The following CNTN5 variants were observed in gnomAD, a reference collection of about 807,000 sequenced individuals.
CNTN5 encodes contactin 5.
CNTN5 carries 77 observed loss-of-function variants against 129.1 expected under a neutral mutation model. The ratio of observed to expected loss-of-function variants is 0.60; its 90% CI spans 0.50 to 0.72. The LOEUF (loss-of-function observed/expected upper bound fraction) is 0.72. CNTN5 is among the 30% of genes least tolerant of loss of function. CNTN5 has a pLI of 0.00. For missense variants in CNTN5, 1,478 were observed against 1,328.8 expected, an observed-to-expected ratio of 1.11 and a Z score of -1.75; for synonymous variants, 509 against 465.6, an observed-to-expected ratio of 1.09 and a Z score of -1.20.
intron 21 of CNTN5, chr11:100,309,764 C>CCAGT (rs1808734104): frequency 2.1e-6 from 2 of 944,356 alleles, no homozygotes; most frequent in Non-Finnish European, 2.5e-6. Context: ...GGTGGTTTGT[C>CCAGT]CAGTTTCCCT....
chr11:99,024,764 A>G (rs1376547401), intron 1 of CNTN5, among the ~76,000 whole-genome samples: 1 of 151,538 alleles, frequency 6.6e-6, no homozygotes, highest in African/African-American at 2.4e-5. Context: ...GTAATTGTGA[A>G]AAATAAATCA....
At chr11:99,487,872 G>A (rs1168997920) in intron 2 of CNTN5, among the ~76,000 whole-genome samples, 2 of 152,098 alleles carry the variant, frequency 1.3e-5, no homozygotes, top group East Asian at 1.9e-4. Flanking sequence ...GAGTTTGTAC[G>A]TGCCACATAC....
At chr11:100,031,208 G>A (rs745531794) in intron 9 of CNTN5, among the ~76,000 whole-genome samples, 21 of 152,262 alleles carry the variant, frequency 1.4e-4, no homozygotes, top group South Asian at 2.1e-4. Flanking sequence ...TATATCACAC[G>A]AAACTATTGC....
At chr11:99,649,744 G>A (rs925913336) in intron 3 of CNTN5, among the ~76,000 whole-genome samples, 13 of 151,484 alleles carry the variant, frequency 8.6e-5, no homozygotes, top group South Asian at 6.2e-4. Flanking sequence ...GAAACATTAA[G>A]TTTTTTTCCT....
chr11:99,427,168 C>G (rs1211554507), intron 2 of CNTN5, among the ~76,000 whole-genome samples: 1 of 152,108 alleles, frequency 6.6e-6, no homozygotes, highest in African/African-American at 2.4e-5. Flanking sequence ...ATTATTTAAT[C>G]AGACATAGGA....
chr11:100,295,476 T>G (rs1445726160), intron 18 of CNTN5, among the ~76,000 whole-genome samples: 1 of 151,496 alleles, frequency 6.6e-6, no homozygotes, highest in Non-Finnish European at 1.5e-5. Context: ...AGTTAAAACT[T>G]TTAAAAATCT....
chr11:99,570,757 G>T (rs1949150613), intron 3 of CNTN5, among the ~76,000 whole-genome samples: 1 of 152,196 alleles, frequency 6.6e-6, no homozygotes, highest in Non-Finnish European at 1.5e-5. Context: ...TTCCCATAAA[G>T]AAATTAAATG....
At chr11:99,860,445 C>A (rs1234364135) in intron 6 of CNTN5, among the ~76,000 whole-genome samples, 1 of 152,106 alleles carries the variant, frequency 6.6e-6, no homozygotes, top group African/African-American at 2.4e-5. Context: ...ATAGGTCTTA[C>A]ATTTAAGTCT....
chr11:99,828,912 A>G (rs769245400), intron 4 of CNTN5, among the ~76,000 whole-genome samples: 2 of 152,174 alleles, frequency 1.3e-5, no homozygotes, highest in African/African-American at 4.8e-5. Flanking sequence ...CATGGAATGT[A>G]TCTGTACTTG....
At chr11:99,786,009 A>G (rs185184776) in intron 3 of CNTN5, among the ~76,000 whole-genome samples, 39 of 152,028 alleles carry the variant, frequency 2.6e-4, no homozygotes, top group Admixed American at 1.2e-3. Flanking sequence ...GGCAAGGGCA[A>G]TCAGGCAAGA....
At chr11:99,405,026 C>T (rs1383245851) in intron 2 of CNTN5, among the ~76,000 whole-genome samples, 1 of 151,962 alleles carries the variant, frequency 6.6e-6, no homozygotes, top group East Asian at 1.9e-4. Context: ...TCCTTTAGAA[C>T]TTTAAATATG....
At chr11:99,853,039 A>G (rs980208717) in intron 6 of CNTN5, among the ~76,000 whole-genome samples, 4 of 152,184 alleles carry the variant, frequency 2.6e-5, no homozygotes, top group Non-Finnish European at 4.4e-5. Context: ...AAAGACACCA[A>G]TATAGTACAA....
intron 1 of CNTN5, among the ~76,000 whole-genome samples, chr11:99,222,235 C>T (rs1377734251): frequency 6.6e-6 from 1 of 151,050 alleles, no homozygotes; most frequent in African/African-American, 2.4e-5. Context: ...AGATTATATC[C>T]ATCGATACAA....
chr11:99,730,939 C>A (rs535451098), intron 3 of CNTN5, among the ~76,000 whole-genome samples: 1 of 152,156 alleles, frequency 6.6e-6, no homozygotes, highest in East Asian at 1.9e-4. Context: ...CACACTTCAT[C>A]CTCCTTTTCC....
At chr11:99,896,698 A>G (rs2135933101) in intron 6 of CNTN5, among the ~76,000 whole-genome samples, 1 of 152,304 alleles carries the variant, frequency 6.6e-6, no homozygotes, top group Admixed American at 6.5e-5. Flanking sequence ...GTTCAGGAGC[A>G]AGAAGGCTTC....
chr11:100,297,796 G>A, intron 19 of CNTN5, 101 bp downstream of exon 19: 1 of 894,260 alleles, frequency 1.1e-6, no homozygotes, highest in Non-Finnish European at 1.8e-6. Flanking sequence ...GATTCATTTA[G>A]AGGCTAAAAA....
chr11:99,669,933 A>G (rs1362857952), intron 3 of CNTN5, among the ~76,000 whole-genome samples: 1 of 152,208 alleles, frequency 6.6e-6, no homozygotes, highest in Non-Finnish European at 1.5e-5. Flanking sequence ...TGGGAGTTTG[A>G]CAACTAAAGT....
chr11:100,195,443 G>T (rs1948613609), intron 15 of CNTN5, among the ~76,000 whole-genome samples: 1 of 151,830 alleles, frequency 6.6e-6, no homozygotes, highest in South Asian at 2.1e-4. Context: ...CATGAAGTTG[G>T]CAGTTAAGAA....
In CNTN5 at chr11:99,959,945, C is replaced by T. The variant is rs141112914; in HGVS notation, c.877+2936C>T. Among the ~76,000 whole-genome samples, 11 of 151,804 alleles carry T rather than the reference C, an allele frequency of 7.2e-5. No homozygotes were observed. In the East Asian group the frequency reaches 2.1e-3, roughly 29 times the overall value. On this transcript the variant is annotated intron_variant, in intron 8 of 24. Transcript: ENST00000524871. Reference sequence around the variant, plus strand: ...TTTGTCCATTTTTTTTTTAAATCCACATTGAATGAATGTAGTGACATAGAA... The same window carrying T: ...TTTGTCCATTTTTTTTTTAAATCCATATTGAATGAATGTAGTGACATAGAA...
Sources: gnomAD v4.1 joint callset for allele counts (sites outside exome capture counted in the v4.1 genomes callset) on GRCh38, gnomAD v4.1.1 for gene constraint, MANE v1.5 for transcripts, NCBI Gene and HGNC (gene_info 2026-07-23, HGNC 2026-07-21) for gene names.